PLEKHA2: variants seen among roughly 807,000 people sequenced by gnomAD.
PLEKHA2 encodes pleckstrin homology domain containing A2, also known as pleckstrin homology domain-containing family A member 2.
PLEKHA2 carries 28 observed loss-of-function variants against 53.2 expected under a neutral mutation model. The ratio of observed to expected loss-of-function variants is 0.53; its 90% CI spans 0.39 to 0.72. PLEKHA2 has a LOEUF of 0.72. Among genes scored for constraint, PLEKHA2 ranks in the 30% least tolerant of loss-of-function variants. PLEKHA2 has a pLI of 0.00. For synonymous variants in PLEKHA2, 193 were observed against 196.4 expected (o/e 0.98, Z 0.14); for missense variants, 426 against 537.9 (o/e 0.79, Z 2.06).
At chr8:38,924,165 A>G (rs182983796) in intron 2 of PLEKHA2, among the ~76,000 whole-genome samples, 3 of 152,240 alleles carry the variant, frequency 2.0e-5, no homozygotes, top group Non-Finnish European at 4.4e-5. Flanking sequence ...TTCACTTACA[A>G]GATGTCCTTT....
intron 1 of PLEKHA2, among the ~76,000 whole-genome samples, chr8:38,917,269 T>G (rs2152367111): frequency 6.6e-6 from 1 of 152,326 alleles, no homozygotes; most frequent in South Asian, 2.1e-4. Flanking sequence ...TGCAGAAGCT[T>G]TTTAACTTGA....
At chr8:38,914,859 T>A (rs1467971511) in intron 1 of PLEKHA2, among the ~76,000 whole-genome samples, 2 of 152,226 alleles carry the variant, frequency 1.3e-5, no homozygotes, top group African/African-American at 2.4e-5. Flanking sequence ...TCATCCCACA[T>A]TACCAGAGAG....
At chr8:38,910,452 TA>T (rs1833939084) in intron 1 of PLEKHA2, among the ~76,000 whole-genome samples, 1 of 152,162 alleles carries the variant, frequency 6.6e-6, no homozygotes, top group Non-Finnish European at 1.5e-5. Flanking sequence ...TTCAGGAAAG[TA>T]GATGAAATAG....
At chr8:38,937,117 G>A (rs1354489585) in intron 3 of PLEKHA2, among the ~76,000 whole-genome samples, 1 of 152,230 alleles carries the variant, frequency 6.6e-6, no homozygotes, top group Non-Finnish European at 1.5e-5. Flanking sequence ...GCCCGCCCCT[G>A]TGCCTGTGGT....
intron 2 of PLEKHA2, among the ~76,000 whole-genome samples, chr8:38,927,949 T>TG (rs1413098875): frequency 1.0e-4 from 15 of 148,018 alleles, no homozygotes; most frequent in South Asian, 2.2e-4. Flanking sequence ...GAATGGAGAG[T>TG]GGGGGGGCAG....
intron 3 of PLEKHA2, among the ~76,000 whole-genome samples, chr8:38,939,124 G>A (rs989014067): frequency 7.2e-5 from 11 of 151,952 alleles, no homozygotes; most frequent in Non-Finnish European, 1.5e-4. Context: ...GGCTGGTCTC[G>A]AACTCCTGAC....
chr8:38,932,933 G>A (rs1302605089), intron 2 of PLEKHA2, among the ~76,000 whole-genome samples: 1 of 152,210 alleles, frequency 6.6e-6, no homozygotes, highest in African/African-American at 2.4e-5. Flanking sequence ...TACCCCTGGG[G>A]TCCCTGGGCC....
At position 38,970,033 on chromosome 8, in the gene PLEKHA2, A is replaced by G; in HGVS notation, c.*250A>G. ...AAGTCACTAGGTTAGAACTGTAGGC[A>G]TACTCAGTGGAGAGGAAGCTACCTA... On this transcript the variant is annotated 3_prime_UTR_variant, in exon 12 of 12. Transcript: ENST00000617275. 1 of 583,094 alleles carries G rather than the reference A, an allele frequency of 1.7e-6. No individual in the cohort carries two copies. The highest frequency in any genetic ancestry group is 3.0e-5 in the East Asian group (1 of 33,888). The allele number at this position is 583,094 out of a possible 1,614,324, so 36.1% of individuals were successfully genotyped here. A position where few individuals can be genotyped will look rare whatever the true frequency, so the allele number is the denominator to read the frequency against.
chr8:38,901,581 C>G (rs1222959741), intron 1 of PLEKHA2, 136 bp downstream of exon 1: 1 of 152,136 alleles, frequency 6.6e-6, no homozygotes, highest in Non-Finnish European at 1.5e-5. Context: ...GCGCGCAGGG[C>G]TGAATACGCC....
intron 11 of PLEKHA2, chr8:38,968,882 T>C (rs961473292): frequency 1.5e-5 from 7 of 477,326 alleles, no homozygotes; most frequent in Admixed American, 7.7e-5. Flanking sequence ...TAGGGTTAGA[T>C]AGAGAAATGG....
At chr8:38,930,278 T>C (rs1834367419) in intron 2 of PLEKHA2, among the ~76,000 whole-genome samples, 1 of 152,188 alleles carries the variant, frequency 6.6e-6, no homozygotes. Flanking sequence ...CTCGGCTCAC[T>C]GCAACCTTCG....
chr8:38,927,397 T>A (rs1355237549), intron 2 of PLEKHA2, among the ~76,000 whole-genome samples: 1 of 152,122 alleles, frequency 6.6e-6, no homozygotes, highest in East Asian at 1.9e-4. Flanking sequence ...TCCCAGGTAC[T>A]TGGGACGCTG....
At chr8:38,942,121 G>A (rs1834622761) in intron 3 of PLEKHA2, among the ~76,000 whole-genome samples, 4 of 152,288 alleles carry the variant, frequency 2.6e-5, no homozygotes, top group Non-Finnish European at 5.9e-5. Flanking sequence ...GTAGCAGCCA[G>A]CCGGTTGCGG....
At chr8:38,947,642 T>G (rs1183306334) in intron 5 of PLEKHA2, among the ~76,000 whole-genome samples, 4 of 152,044 alleles carry the variant, frequency 2.6e-5, no homozygotes, top group Non-Finnish European at 4.4e-5. Flanking sequence ...TCTCAGGTAG[T>G]GTAAACAGCT....
rs899230851 is a variant in PLEKHA2, at chr8:38,904,163, G to A, written c.-24+2718G>A. ...CCATCCTGTCAGTAGAGGAGGCCGG[G>A]GGTTGGTGTAGTGAGACCCTACTGT... On this transcript the variant is annotated intron_variant, in intron 1 of 11. Coordinates refer to ENST00000617275, the MANE Select transcript of PLEKHA2 (RefSeq NM_021623.2). Among the ~76,000 whole-genome samples, 9 of 152,184 alleles carry A rather than the reference G, an allele frequency of 5.9e-5. No individual in the cohort carries two copies. The South Asian group carries it at 1.4e-3, about 25-fold the overall frequency.
chr8:38,957,738 C>T (rs1834968408), intron 10 of PLEKHA2, among the ~76,000 whole-genome samples: 1 of 152,202 alleles, frequency 6.6e-6, no homozygotes, highest in Admixed American at 6.5e-5. Context: ...GTGGACATCA[C>T]TGTGTGCGGA....
chr8:38,940,909 A>AT (rs1564133200), intron 3 of PLEKHA2, among the ~76,000 whole-genome samples: 7 of 147,362 alleles, frequency 4.8e-5, no homozygotes, highest in Non-Finnish European at 1.1e-4. Context: ...TATATATATA[A>AT]AATATTTGAA....
intron 3 of PLEKHA2, 82 bp from the exon 4 acceptor site, chr8:38,943,707 A>G: frequency 2.7e-6 from 3 of 1,091,770 alleles, no homozygotes; most frequent in South Asian, 1.5e-5. Context: ...TGTACTCTTT[A>G]TATATGAGAA....
Position 38,921,226 on chromosome 8 carries a change from C to T in PLEKHA2, c.141+3156C>T, listed in dbSNP as rs548929028. Among the ~76,000 whole-genome samples the T allele has an allele frequency of 2.0e-5, 3 of 152,344 alleles. No individual in the cohort carries two copies. The South Asian group carries it at 6.2e-4, about 32-fold the overall frequency. ...CTTATGGGTCTTCACGTTCCCTCTC[C>T]ATTCTCCTCCTTTGTGTACTTCCTC... On this transcript the variant is annotated intron_variant, in intron 2 of 11. Transcript: ENST00000617275.
Sources: gnomAD v4.1 joint callset for allele counts (sites outside exome capture counted in the v4.1 genomes callset) on GRCh38, gnomAD v4.1.1 for gene constraint, MANE v1.5 for transcripts, NCBI Gene and HGNC (gene_info 2026-07-23, HGNC 2026-07-21) for gene names.